GMNN: variants seen among roughly 807,000 people sequenced by gnomAD.
GMNN encodes the protein geminin DNA replication inhibitor, also known as geminin.
GMNN carries 14 observed loss-of-function variants against 20.9 expected under a neutral mutation model. That is an observed-to-expected ratio of 0.67 (90% CI 0.44 to 1.05). The LOEUF (loss-of-function observed/expected upper bound fraction) is 1.05. Ranked by LOEUF, GMNN falls within the 50% of genes least tolerant of loss-of-function variation. The probability of loss-of-function intolerance (pLI) is 0.00; values close to 1 mark genes in which losing one functional copy is unlikely to be tolerated. For synonymous variants in GMNN, 81 were observed against 85.8 expected (o/e 0.94, Z 0.31); for missense variants, 227 against 243.8 (o/e 0.93, Z 0.46).
rs2307302 is a variant in GMNN, at chr6:24,781,525, T to C, written c.178T>C (p.Ser60Pro). Residue 60 changes from serine to proline, a missense_variant, in exon 4 of 7, where the codon TCT becomes CCT. Coordinates refer to ENST00000230056, the MANE Select transcript of GMNN (RefSeq NM_015895.5). The part of the protein sequence containing the change: ...KRKHRNDHLT[S>P]TTSSPGVIVP... The stretch of plus-strand genomic sequence containing the variant: ...GAAACATCGGAATGACCACTTAACA[T>C]CTACAACTTCCAGCCCTGGGGTTAT... The C allele has an allele frequency of 4.9e-4, 775 of 1,592,656 alleles. 4 individuals carry two copies. In the African/African-American group the frequency reaches 9.4e-3, roughly 19 times the overall value.
chr6:24,784,404 G>A, intron 5 of GMNN, 40 bp from the exon 6 acceptor site: 1 of 929,778 alleles, frequency 1.1e-6, no homozygotes, highest in Non-Finnish European at 1.8e-6. Flanking sequence ...TTATAGCATA[G>A]CAAATCTATG....
At position 24,785,570 on chromosome 6, in the gene GMNN, A is replaced by G. The variant is rs368557602; in HGVS notation, c.469-68A>G. ...TATCAGTATGCTATACGGGTCAGCT[A>G]TATCAGTATGCTGATCAGCTTAGGT... On this transcript the variant is annotated intron_variant, in intron 6 of 6. Coordinates refer to ENST00000230056, the MANE Select transcript of GMNN (RefSeq NM_015895.5). 1,369 of 739,026 alleles carry G rather than the reference A, an allele frequency of 1.9e-3. 19 individuals are homozygous for G. The South Asian group carries it at 0.024, about 13-fold the overall frequency. 45.8% of individuals were successfully genotyped at this position (739,026 alleles called of 1,614,324 possible).
intron 4 of GMNN, among the ~76,000 whole-genome samples, chr6:24,781,927 A>C (rs532471330): frequency 6.6e-6 from 1 of 152,248 alleles, no homozygotes; most frequent in Admixed American, 6.5e-5. Flanking sequence ...CTCTGTATGA[A>C]AAAATTAGCT....
rs199989501 is a variant in GMNN, at chr6:24,784,211, G to C, written c.357+42G>C. The C allele has an allele frequency of 4.5e-5, 46 of 1,019,244 alleles. 1 individual carries two copies. The East Asian group carries it at 7.8e-4, about 17-fold the overall frequency. 63.1% of individuals were successfully genotyped at this position (1,019,244 alleles called of 1,614,324 possible). A position where few individuals can be genotyped will look rare whatever the true frequency, so the allele number is the denominator to read the frequency against. On this transcript the variant is annotated intron_variant, in intron 5 of 6. Coordinates refer to ENST00000230056, the MANE Select transcript of GMNN (RefSeq NM_015895.5). Reference sequence around the variant, plus strand: ...ATTTGTACCATTTTTAAAAATTCCAGGATTGTTTTGCTGCTTAGCATATTT... The same window carrying C: ...ATTTGTACCATTTTTAAAAATTCCACGATTGTTTTGCTGCTTAGCATATTT...
chr6:24,780,699 C>T lies in GMNN; in HGVS notation c.88C>T (p.Gln30Ter), dbSNP rs766642939. The change falls in exon 3 of 7, where the codon CAG becomes TAG. Residue 30 changes from glutamine to a stop codon, truncating the protein, a stop_gained. Transcript: ENST00000230056. LOFTEE classifies it high-confidence loss of function. The stretch of plus-strand genomic sequence containing the variant: ...CCCAAGAAGAACTCTGAAGATGATT[C>T]AGCCTTCTGCATCTGGATCTCTTGT... ...SVPRRTLKMIQPSASGSLVGR... is the reference protein window; with the variant it reads ...SVPRRTLKMI 5.0e-6 allele frequency: 8 copies of T among 1,598,594 alleles called. No individual in the cohort carries two copies. Among genetic ancestry groups the T allele is most frequent in the Non-Finnish European group, 4.3e-6 (5 of 1,166,092 alleles).
intron 1 of GMNN, 189 bp from the exon 2 acceptor site, chr6:24,777,033 A>G (rs1201811489): frequency 2.8e-6 from 1 of 357,796 alleles, no homozygotes; most frequent in African/African-American, 2.1e-5. Flanking sequence ...TTATGTGTGT[A>G]TATATGTAAA....
At chr6:24,785,567 G>C in intron 6 of GMNN, 71 bp from the exon 7 acceptor site, 1 of 723,876 alleles carries the variant, frequency 1.4e-6, no homozygotes, top group Non-Finnish European at 2.3e-6. Flanking sequence ...ATACGGGTCA[G>C]CTATATCAGT....
intron 1 of GMNN, 114 bp from the exon 2 acceptor site, chr6:24,777,108 A>G: frequency 4.7e-6 from 2 of 424,790 alleles, no homozygotes; most frequent in South Asian, 1.7e-4. Flanking sequence ...GTTTGGATTA[A>G]GAGAGAAAAA....
chr6:24,785,551 T>A (rs1215548323), intron 6 of GMNN, 87 bp from the exon 7 acceptor site: 2 of 591,084 alleles, frequency 3.4e-6, no homozygotes, highest in African/African-American at 3.9e-5. Flanking sequence ...GCTATATCAG[T>A]ATGCTATACG....
At chr6:24,776,132 C>G (rs1186892001) in intron 1 of GMNN, among the ~76,000 whole-genome samples, 1 of 151,648 alleles carries the variant, frequency 6.6e-6, no homozygotes, top group African/African-American at 2.4e-5. Flanking sequence ...GAGTCTCGCT[C>G]TGTTGCCCAG....
At chr6:24,782,647 A>G (rs1006877742) in intron 4 of GMNN, among the ~76,000 whole-genome samples, 1 of 152,234 alleles carries the variant, frequency 6.6e-6, no homozygotes, top group African/African-American at 2.4e-5. Context: ...TGTGACACTC[A>G]TATCTGATTA....
At chr6:24,785,416 TA>T (rs1302362586) in intron 6 of GMNN, among the ~76,000 whole-genome samples, 11 of 149,274 alleles carry the variant, frequency 7.4e-5, no homozygotes, top group Non-Finnish European at 7.5e-5. Context: ...CAGTGCTTTT[TA>T]AAAAAAAAAG....
chr6:24,777,870 T>C (rs1303570292), intron 2 of GMNN: 1 of 152,242 alleles, frequency 6.6e-6, no homozygotes, highest in Non-Finnish European at 1.5e-5. Flanking sequence ...CCATTGTGTA[T>C]ATCTTCAGAA....
In GMNN at chr6:24,784,520, C is replaced by A; in HGVS notation, c.434C>A (p.Ala145Glu). Reference sequence around the variant, plus strand: ...GAGAATAAAGAACTGGCAGAAGTAGCAGAACATGTACAGTATATGGCAGAG... The same window carrying A: ...GAGAATAAAGAACTGGCAGAAGTAGAAGAACATGTACAGTATATGGCAGAG... ...KKENKELAEVAEHVQYMAELI... is the reference protein window; with the variant it reads ...KKENKELAEVEEHVQYMAELI... The change falls in exon 6 of 7, where the codon GCA becomes GAA. Residue 145 changes from alanine to glutamate, a missense_variant. Physicochemically the swap from Ala to Glu is moderately radical, Grantham distance 107. Coordinates refer to ENST00000230056, the MANE Select transcript of GMNN (RefSeq NM_015895.5). 2 of 1,548,138 alleles carry A rather than the reference C, an allele frequency of 1.3e-6. No homozygotes were observed. Among genetic ancestry groups the A allele is most frequent in the Non-Finnish European group, 1.8e-6 (2 of 1,120,224 alleles).
rs1780345004 is a variant in GMNN at position 24,785,967 on chromosome 6, A to G, written c.*168A>G. ...TACAAATACTATGTATTTTTAATCTATGATGGTTTATGTGAATAGGATTTT... is the reference window on the plus strand; with the variant it reads ...TACAAATACTATGTATTTTTAATCTGTGATGGTTTATGTGAATAGGATTTT... On this transcript the variant is annotated 3_prime_UTR_variant, in exon 7 of 7. Coordinates refer to ENST00000230056, the MANE Select transcript of GMNN (RefSeq NM_015895.5). 3 of 506,454 alleles carry G rather than the reference A, an allele frequency of 5.9e-6. No homozygotes were observed. The highest frequency in any genetic ancestry group is 3.6e-5 in the East Asian group (1 of 27,842). The allele number at this position is 506,454 out of a possible 1,614,324, so 31.4% of individuals were successfully genotyped here.
At chr6:24,782,648 T>A (rs1459568431) in intron 4 of GMNN, among the ~76,000 whole-genome samples, 1 of 152,228 alleles carries the variant, frequency 6.6e-6, no homozygotes, top group Non-Finnish European at 1.5e-5. Flanking sequence ...GTGACACTCA[T>A]ATCTGATTAG....
At chr6:24,775,899 C>T (rs920819410) in intron 1 of GMNN, 5 of 152,288 alleles carry the variant, frequency 3.3e-5, no homozygotes, top group South Asian at 2.1e-4. Context: ...TTTCTCGTCT[C>T]TTCAATTCCA....
rs1290988331 is a variant in GMNN at position 24,780,652 on chromosome 6, T to G, written c.52-11T>G. 1.3e-6 allele frequency: 2 copies of G among 1,491,164 alleles called. No homozygotes were observed. Among genetic ancestry groups the G allele is most frequent in the South Asian group, 2.3e-5 (2 of 88,492 alleles). The allele number at this position is 1,491,164 out of a possible 1,614,324, so 92.4% of individuals were successfully genotyped here. A position where few individuals can be genotyped will look rare whatever the true frequency, so the allele number is the denominator to read the frequency against. ...TCAGTAACAAGATAATGAATTATGC[T>G]GACTTTTTAGAATAGTTCTGTCCCA... On this transcript the variant is annotated splice_polypyrimidine_tract_variant and intron_variant, in intron 2 of 6. Transcript: ENST00000230056.
At position 24,784,139 on chromosome 6, in the gene GMNN, G is replaced by C. The variant is rs145822661; in HGVS notation, c.327G>C (p.Ala109=). 5.9e-6 allele frequency: 9 copies of C among 1,524,356 alleles called. No homozygotes were observed. Among genetic ancestry groups the C allele is most frequent in the Non-Finnish European group, 8.2e-6 (9 of 1,100,420 alleles). 94.4% of individuals were successfully genotyped at this position (1,524,356 alleles called of 1,614,324 possible). ...AAGTGGCAGAAAAACGGAGAAAGGC[G>C]CTGTATGAAGCACTTAAGGAAAATG... ...WKEVAEKRRK[A]LYEALKENEK... Residue 109 remains alanine, a synonymous_variant, in exon 5 of 7, where the codon GCG becomes GCC. Transcript: ENST00000230056.
Sources: gnomAD v4.1 joint callset for allele counts (sites outside exome capture counted in the v4.1 genomes callset) on GRCh38, gnomAD v4.1.1 for gene constraint, MANE v1.5 for transcripts, NCBI Gene and HGNC (gene_info 2026-07-23, HGNC 2026-07-21) for gene names.